The following CPS1 variants were observed in gnomAD, a reference collection of about 807,000 sequenced individuals.
The protein encoded by CPS1 is carbamoyl-phosphate synthase 1.
In CPS1, 109 loss-of-function variants were observed where a neutral mutation model predicts 174.6. The observed-to-expected ratio is 0.62, with a 90% CI of 0.53 to 0.73. CPS1 has a LOEUF of 0.73. Among genes scored for constraint, CPS1 ranks in the 30% least tolerant of loss-of-function variants. The pLI is 0.00. For missense variants in CPS1, 1,689 were observed against 1,821.9 expected (o/e 0.93, Z 1.33); for synonymous variants, 637 against 632.0 (o/e 1.01, Z -0.12).
rs549950748 is a variant in CPS1 at position 210,576,214 on chromosome 2, G to A, written c.237-132G>A. 3.5e-5 allele frequency: 36 copies of A among 1,039,188 alleles called. No homozygotes were observed. In the East Asian group the frequency reaches 5.8e-4, roughly 17 times the overall value. 64.4% of individuals were successfully genotyped at this position (1,039,188 alleles called of 1,614,324 possible). On this transcript the variant is annotated intron_variant, in intron 2 of 37. Transcript: ENST00000233072. ...TCTGTCATAACATTTCCCCAGGTAC[G>A]TTAAAATCTAGAGACATTCTTGTTG...
chr2:210,619,211 C>A (rs1350044552), intron 21 of CPS1: 1 of 152,058 alleles, frequency 6.6e-6, no homozygotes, highest in Non-Finnish European at 1.5e-5. Flanking sequence ...TCTGGTTCCA[C>A]CCTTGTGCAT....
chr2:210,507,212 G>C (rs1035414094), intron 1 of CPS1, among the ~76,000 whole-genome samples: 1 of 152,158 alleles, frequency 6.6e-6, no homozygotes, highest in African/African-American at 2.4e-5. Flanking sequence ...AAGAGAGTGG[G>C]GGCCAATATT....
intron 32 of CPS1, among the ~76,000 whole-genome samples, chr2:210,662,275 TTCAAATTACTTAGTAATTG>T (rs1700949397): frequency 6.6e-6 from 1 of 152,220 alleles, no homozygotes; most frequent in African/African-American, 2.4e-5. Flanking sequence ...CTTAGTTTTT[TTCAAATTACTTAGTAATTG>T]TCAATCTTAA....
At chr2:210,492,960 A>AT (rs1559734116) in intron 1 of CPS1, among the ~76,000 whole-genome samples, 1 of 152,192 alleles carries the variant, frequency 6.6e-6, no homozygotes, top group Non-Finnish European at 1.5e-5. Context: ...TGACACATAG[A>AT]TTTTCAAGAC....
chr2:210,582,576 C>T (rs753042182), intron 5 of CPS1, 41 bp from the exon 6 acceptor site: 94 of 1,464,680 alleles, frequency 6.4e-5, no homozygotes, highest in Non-Finnish European at 7.9e-5. Context: ...ACACCTTTAT[C>T]GTTGCTTCCT....
At position 210,648,064 on chromosome 2, in the gene CPS1, A is replaced by G. The variant is rs1574638794; in HGVS notation, c.3336+7A>G. The G allele has an allele frequency of 2.5e-6, 4 of 1,613,240 alleles. No homozygotes were observed. Among genetic ancestry groups the G allele is most frequent in the Non-Finnish European group, 3.4e-6 (4 of 1,179,282 alleles). On this transcript the variant is annotated splice_region_variant and intron_variant, in intron 26 of 37. Transcript: ENST00000233072. ...GAAAGCTGTTAATACTTTGGTAAGGAGAGAAACAAGTATCTGTTTCTAATG... is the reference window on the plus strand; with the variant it reads ...GAAAGCTGTTAATACTTTGGTAAGGGGAGAAACAAGTATCTGTTTCTAATG...
Position 210,660,356 on chromosome 2 carries a change from G to C in CPS1, c.3757-129G>C, listed in dbSNP as rs893038970. 4.1e-5 allele frequency: 37 copies of C among 903,694 alleles called. No individual in the cohort carries two copies. In the African/African-American group the frequency reaches 5.6e-4, roughly 14 times the overall value. 56.0% of individuals were successfully genotyped at this position (903,694 alleles called of 1,614,324 possible). The stretch of plus-strand genomic sequence containing the variant: ...AAATCCAAGCAGTAAGGAGAAAAGA[G>C]ACAAGATTAGCAAAACAAGAGCTGG... On this transcript the variant is annotated intron_variant, in intron 31 of 37. Coordinates refer to ENST00000233072, the MANE Select transcript of CPS1 (RefSeq NM_001875.5).
intron 16 of CPS1, among the ~76,000 whole-genome samples, chr2:210,603,918 A>G (rs950686507): frequency 6.6e-6 from 1 of 151,884 alleles, no homozygotes; most frequent in Non-Finnish European, 1.5e-5. Flanking sequence ...GAAGACTTCA[A>G]AAAATAAAAA....
At chr2:210,594,056 C>A (rs1698398227) in intron 11 of CPS1, among the ~76,000 whole-genome samples, 1 of 151,702 alleles carries the variant, frequency 6.6e-6, no homozygotes, top group South Asian at 2.1e-4. Flanking sequence ...AGTGAAACAA[C>A]AGAAGTAAAT....
At position 210,663,321 on chromosome 2, in the gene CPS1, C is replaced by T. The variant is rs867570626; in HGVS notation, c.4002+124C>T. 70 of 907,204 alleles carry T rather than the reference C, an allele frequency of 7.7e-5. No individual in the cohort carries two copies. In the Middle Eastern group the frequency reaches 5.3e-3, roughly 69 times the overall value. 56.2% of individuals were successfully genotyped at this position (907,204 alleles called of 1,614,324 possible). A position where few individuals can be genotyped will look rare whatever the true frequency, so the allele number is the denominator to read the frequency against. ...TGCTATCAGAGTAAGACTCAAAGAG[C>T]TTATGAATTTTGAATTTAAAAAATA... On this transcript the variant is annotated intron_variant, in intron 33 of 37. Transcript: ENST00000233072.
At chr2:210,662,884 C>T (rs952440270) in intron 32 of CPS1, among the ~76,000 whole-genome samples, 2 of 152,180 alleles carry the variant, frequency 1.3e-5, no homozygotes, top group African/African-American at 4.8e-5. Context: ...GCCCTATTTA[C>T]AGAATTAATT....
At chr2:210,663,007 A>T in intron 32 of CPS1, 116 bp from the exon 33 acceptor site, 2 of 988,970 alleles carry the variant, frequency 2.0e-6, no homozygotes, top group Admixed American at 2.0e-5. Flanking sequence ...TTACATGTCT[A>T]CTGTAGCCTA....
At chr2:210,581,432 G>A (rs959495578) in intron 5 of CPS1, among the ~76,000 whole-genome samples, 1 of 152,066 alleles carries the variant, frequency 6.6e-6, no homozygotes, top group Non-Finnish European at 1.5e-5. Flanking sequence ...AGTGATGGTG[G>A]TTCATATTAA....
intron 1 of CPS1, among the ~76,000 whole-genome samples, chr2:210,482,697 C>T (rs1694606147): frequency 6.6e-6 from 1 of 151,456 alleles, no homozygotes; most frequent in African/African-American, 2.4e-5. Context: ...AGAGAGAGAG[C>T]ACAATTCTGA....
At chr2:210,512,808 GGAGAGAGA>G (rs1297537241) in intron 1 of CPS1, among the ~76,000 whole-genome samples, 2 of 83,792 alleles carry the variant, frequency 2.4e-5, no homozygotes, top group African/African-American at 9.9e-5. Flanking sequence ...ATATATATAT[GGAGAGAGA>G]GAGATATATA....
At chr2:210,516,070 TTC>T (rs1695674988) in intron 1 of CPS1, among the ~76,000 whole-genome samples, 1 of 151,730 alleles carries the variant, frequency 6.6e-6, no homozygotes, top group African/African-American at 2.4e-5. Flanking sequence ...GTGAGAGTAT[TTC>T]TATGTTTTTG....
At chr2:210,608,609 T>G in intron 19 of CPS1, 50 bp downstream of exon 19, 1 of 1,575,332 alleles carries the variant, frequency 6.3e-7, no homozygotes, top group African/African-American at 1.3e-5. Flanking sequence ...GTTATTTTGT[T>G]AAATTTGTGA....
intron 31 of CPS1, among the ~76,000 whole-genome samples, chr2:210,659,723 A>G (rs967270772): frequency 6.6e-6 from 1 of 152,200 alleles, no homozygotes; most frequent in South Asian, 2.1e-4. Flanking sequence ...GAAGAAGGTA[A>G]ATTTGTAGAA....
intron 29 of CPS1, 22 bp from the exon 30 acceptor site, chr2:210,656,503 C>CTTT: frequency 8.0e-7 from 1 of 1,253,830 alleles, no homozygotes; most frequent in Non-Finnish European, 1.1e-6. Context: ...TTCTAAAATC[C>CTTT]TTTTTTTTTT....
Sources: allele counts gnomAD v4.1 joint callset (sites outside exome capture counted in the v4.1 genomes callset), GRCh38; gene constraint gnomAD v4.1.1; transcripts MANE v1.5; gene names NCBI Gene and HGNC (gene_info 2026-07-23, HGNC 2026-07-21).